The following CCSER1 variants were observed in gnomAD, a reference collection of about 807,000 sequenced individuals.
CCSER1 encodes serine-rich coiled-coil domain-containing protein 1.
Under a neutral mutation model 82.0 loss-of-function variants are expected in CCSER1, and 41 were observed. The ratio of observed to expected loss-of-function variants is 0.50; its 90% CI spans 0.39 to 0.65. The LOEUF is 0.65. CCSER1 is among the 30% of genes least tolerant of loss of function. CCSER1 has a pLI of 0.00. For missense variants in CCSER1, 1,119 were observed against 1,064.2 expected (o/e 1.05, Z -0.72); for synonymous variants, 414 against 383.9 (o/e 1.08, Z -0.92).
intron 10 of CCSER1, among the ~76,000 whole-genome samples, chr4:91,285,592 G>T (rs1055643013): frequency 6.6e-6 from 1 of 151,802 alleles, no homozygotes; most frequent in Admixed American, 6.6e-5. Context: ...ACAAAAAGAT[G>T]TATGATTTCT....
At chr4:90,455,500 ATGGT>A (rs1290774830) in intron 4 of CCSER1, among the ~76,000 whole-genome samples, 1 of 152,190 alleles carries the variant, frequency 6.6e-6, no homozygotes, top group East Asian at 1.9e-4. Flanking sequence ...CAGGTTGAAG[ATGGT>A]TGGTTACCCA....
chr4:90,558,707 C>T (rs1462812500), intron 5 of CCSER1, among the ~76,000 whole-genome samples: 5 of 151,998 alleles, frequency 3.3e-5, no homozygotes, highest in East Asian at 3.9e-4. Flanking sequence ...CCTTGTATAA[C>T]TTAAATTGCA....
chr4:90,290,488 G>A (rs748779237), intron 1 of CCSER1, among the ~76,000 whole-genome samples: 7 of 151,820 alleles, frequency 4.6e-5, no homozygotes, highest in Non-Finnish European at 8.8e-5. Flanking sequence ...TCTAAGCTAG[G>A]ATGTCTGTTT....
intron 10 of CCSER1, among the ~76,000 whole-genome samples, chr4:91,166,170 T>C (rs990021837): frequency 1.3e-5 from 2 of 152,224 alleles, no homozygotes; most frequent in African/African-American, 4.8e-5. Flanking sequence ...AATGTAATAA[T>C]GAAATTTGGT....
At chr4:91,105,285 C>A (rs777146679) in intron 10 of CCSER1, among the ~76,000 whole-genome samples, 1 of 151,916 alleles carries the variant, frequency 6.6e-6, no homozygotes, top group African/African-American at 2.4e-5. Flanking sequence ...ATGACTACAT[C>A]ATCTGTTTCC....
chr4:90,440,648 G>A (rs1196207577), intron 4 of CCSER1, among the ~76,000 whole-genome samples: 1 of 152,080 alleles, frequency 6.6e-6, no homozygotes, highest in Non-Finnish European at 1.5e-5. Flanking sequence ...TGTGGGTTTT[G>A]CAGTTTTTTG....
chr4:90,589,426 G>A (rs1406874898), intron 5 of CCSER1, among the ~76,000 whole-genome samples: 1 of 151,878 alleles, frequency 6.6e-6, no homozygotes, highest in Non-Finnish European at 1.5e-5. Context: ...AATAGGCATT[G>A]TTTAAAATAT....
At position 90,807,621 on chromosome 4, in the gene CCSER1, G is replaced by A. The variant is rs143618204; in HGVS notation, c.2011-8141G>A. Among the ~76,000 whole-genome samples, 79 of 146,852 alleles carry A rather than the reference G, an allele frequency of 5.4e-4. 1 individual carries two copies. In the East Asian group the frequency reaches 0.012, roughly 22 times the overall value. ...TAAAATAATGACCATGGTGAAAATC[G>A]AATCAAGAACTCAGTCTCATTTACA... On this transcript the variant is annotated intron_variant, in intron 7 of 10. Coordinates refer to ENST00000509176, the MANE Select transcript of CCSER1 (RefSeq NM_001145065.2).
intron 9 of CCSER1, among the ~76,000 whole-genome samples, chr4:90,998,313 C>A (rs191117248): frequency 8.3e-4 from 127 of 152,252 alleles, no homozygotes; most frequent in African/African-American, 2.8e-3. Flanking sequence ...CTCCGGACCT[C>A]AGGTGATCCA....
intron 10 of CCSER1, among the ~76,000 whole-genome samples, chr4:91,411,704 ATT>A (rs758924279): frequency 1.5e-5 from 2 of 136,128 alleles, no homozygotes. Flanking sequence ...AAGGGTTTTC[ATT>A]TTTTTTTTTT....
At chr4:90,183,738 C>A (rs1443479447) in intron 1 of CCSER1, among the ~76,000 whole-genome samples, 1 of 152,108 alleles carries the variant, frequency 6.6e-6, no homozygotes, top group Admixed American at 6.6e-5. Context: ...AAATTAAATT[C>A]TTTCTATTGT....
At chr4:91,410,799 C>CT (rs1022382765) in intron 10 of CCSER1, among the ~76,000 whole-genome samples, 20 of 152,054 alleles carry the variant, frequency 1.3e-4, no homozygotes, top group Admixed American at 5.2e-4. Flanking sequence ...TTTAATACAG[C>CT]TTTTTTTCTA....
At chr4:91,545,132 G>A (rs1420480542) in intron 10 of CCSER1, among the ~76,000 whole-genome samples, 2 of 152,256 alleles carry the variant, frequency 1.3e-5, no homozygotes, top group East Asian at 1.9e-4. Context: ...CGAGCCATGT[G>A]TGGGATATAA....
intron 10 of CCSER1, among the ~76,000 whole-genome samples, chr4:91,575,831 A>G (rs1578832963): frequency 6.6e-6 from 1 of 151,996 alleles, no homozygotes; most frequent in East Asian, 1.9e-4. Context: ...AATGACTATT[A>G]TAAAAAAGAC....
intron 10 of CCSER1, among the ~76,000 whole-genome samples, chr4:91,279,214 C>T (rs1349504344): frequency 6.6e-6 from 1 of 152,060 alleles, no homozygotes; most frequent in Non-Finnish European, 1.5e-5. Flanking sequence ...TTGTCTTTGA[C>T]TTTTGACAAT....
rs775267289 is a variant in CCSER1, at chr4:90,628,154, T to C, written c.1854T>C (p.Ser618=). ...QGVEENGGID[S]LPFRLMLQDC... ...TGGAAGAAAACGGAGGCATAGATTC[T>C]CTGCCATTCAGACTGATGTTACAGG... Residue 618 remains serine (S), a synonymous_variant, in exon 6 of 11, where the codon TCT becomes TCC. Coordinates refer to ENST00000509176, the MANE Select transcript of CCSER1 (RefSeq NM_001145065.2). 2 of 1,613,932 alleles carry C rather than the reference T, an allele frequency of 1.2e-6. No homozygotes were observed. The highest frequency in any genetic ancestry group is 1.1e-5 in the South Asian group (1 of 91,078).
At chr4:90,611,054 C>CTTTTCTTTTCTTTTTTTTTT (rs1785411723) in intron 5 of CCSER1, among the ~76,000 whole-genome samples, 1 of 75,060 alleles carries the variant, frequency 1.3e-5, no homozygotes, top group African/African-American at 9.2e-5. Context: ...ATTTTCTTTT[C>CTTTTCTTTTCTTTTTTTTTT]TTTTCTTTTT....
At chr4:90,133,437 C>T (rs1723135739) in intron 1 of CCSER1, among the ~76,000 whole-genome samples, 1 of 152,132 alleles carries the variant, frequency 6.6e-6, no homozygotes, top group African/African-American at 2.4e-5. Flanking sequence ...TTTGTTGACT[C>T]TCCTGTGATA....
At chr4:91,150,138 A>G (rs779912278) in intron 10 of CCSER1, among the ~76,000 whole-genome samples, 2 of 152,060 alleles carry the variant, frequency 1.3e-5, no homozygotes, top group Non-Finnish European at 2.9e-5. Context: ...ATTTGTTTGT[A>G]TCCTCTTTTA....
Sources: gnomAD v4.1 joint callset for allele counts (sites outside exome capture counted in the v4.1 genomes callset) on GRCh38, gnomAD v4.1.1 for gene constraint, MANE v1.5 for transcripts, NCBI Gene and HGNC (gene_info 2026-07-23, HGNC 2026-07-21) for gene names.